FHAD1: variants seen among roughly 807,000 people sequenced by gnomAD.
FHAD1 encodes forkhead-associated domain-containing protein 1.
In FHAD1, 146 loss-of-function variants were observed where a neutral mutation model predicts 191.3. That is an observed-to-expected ratio of 0.76 (90% CI 0.67 to 0.88). The LOEUF is 0.88. Ranked by LOEUF, FHAD1 falls within the 40% of genes least tolerant of loss-of-function variation. The pLI is 0.00. For synonymous variants in FHAD1, 616 were observed against 672.3 expected (o/e 0.92, Z 1.29); for missense variants, 1,635 against 1,785.8 (o/e 0.92, Z 1.52).
chr1:15,247,137 G>T (rs151094062), upstream of FHAD1: 1 of 153,178 alleles, frequency 6.5e-6, no homozygotes, highest in Non-Finnish European at 1.5e-5. Flanking sequence ...GTAACCCAGT[G>T]GGCGTTCCCT....
intron 6 of FHAD1, among the ~76,000 whole-genome samples, chr1:15,302,824 C>G (rs904978679): frequency 6.6e-6 from 1 of 152,220 alleles, no homozygotes; most frequent in African/African-American, 2.4e-5. Flanking sequence ...GCTGGTTAAA[C>G]TGTGGACATG....
Position 15,347,275 on chromosome 1 carries a change from T to C in FHAD1, c.2346+1752T>C, listed in dbSNP as rs72866711. 5.9e-3 allele frequency among the ~76,000 whole-genome samples: 897 copies of C among 152,334 alleles called. 9 individuals are homozygous for C. Among genetic ancestry groups the C allele is most frequent in the African/African-American group, 0.021 (864 of 41,586 alleles). On this transcript the variant is annotated intron_variant, in intron 18 of 33. Coordinates refer to ENST00000688493, the MANE Select transcript of FHAD1 (RefSeq NM_001391957.1). The stretch of plus-strand genomic sequence containing the variant: ...ACAGCAAAAGCCTGGGGAAGATTCT[T>C]GAATTTAGAGACTTTGAGGCCACGG...
rs1008960844 is a variant in FHAD1, at chr1:15,386,025, C to T, written c.4189-2026C>T. Among the ~76,000 whole-genome samples, 6 of 152,300 alleles carry T rather than the reference C, an allele frequency of 3.9e-5. No individual in the cohort carries two copies. The East Asian group carries it at 5.8e-4, about 15-fold the overall frequency. ...ACTAAACAAGGCAGCAGAGTTTCTC[C>T]GAGATAAGAGGCAGACTTGGAGTCC... On this transcript the variant is annotated intron_variant, in intron 31 of 33. Transcript: ENST00000688493.
rs562099866 is a variant in FHAD1 at position 15,358,195 on chromosome 1, C to G, written c.2648C>G (p.Thr883Arg). The G allele has an allele frequency of 2.6e-6, 4 of 1,539,578 alleles. No individual in the cohort carries two copies. The highest frequency in any genetic ancestry group is 1.4e-5 in the African/African-American group (1 of 71,960). The change falls in exon 21 of 34, where the codon ACA (threonine) becomes AGA (arginine). Residue 883 changes from threonine to arginine, a missense_variant. Coordinates refer to ENST00000688493, the MANE Select transcript of FHAD1 (RefSeq NM_001391957.1). ...ALAMVEETQK[T>R]KATESLKAES... ...GCCATGGTTGAAGAGACTCAGAAAA[C>G]AAAGGCAACTGAAAGTCTAAAAGCA...
chr1:15,399,446 G>C (rs1426780646), downstream of FHAD1, among the ~76,000 whole-genome samples: 2 of 152,058 alleles, frequency 1.3e-5, no homozygotes, highest in African/African-American at 2.4e-5. Flanking sequence ...TGTGCCAGTA[G>C]TCACCACTAT....
chr1:15,250,986 A>G (rs1366327913), intron 1 of FHAD1, among the ~76,000 whole-genome samples: 1 of 152,208 alleles, frequency 6.6e-6, no homozygotes, highest in Non-Finnish European at 1.5e-5. Flanking sequence ...CCTCACGTAT[A>G]TTATTGCATT....
At chr1:15,310,805 C>G (rs1672043047) in intron 7 of FHAD1, among the ~76,000 whole-genome samples, 1 of 152,178 alleles carries the variant, frequency 6.6e-6, no homozygotes, top group African/African-American at 2.4e-5. Context: ...TGCTTCCACC[C>G]TGAGCCCATC....
At position 15,316,389 on chromosome 1, in the gene FHAD1, A is replaced by G. The variant is rs760661446; in HGVS notation, c.1182A>G (p.Leu394=). The part of the protein sequence containing the change: ...LEALGSRCSV[L]KEELKQEDAH... ...CCTTTTCTCCACAGTGCTCGGTGCT[A>G]AAGGAAGAGTTAAAACAGGAAGATG... The change falls in exon 9 of 34, where the codon CTA becomes CTG. Residue 394 remains leucine, a synonymous_variant. Transcript: ENST00000688493. This position sits in a 1 kb window ranked among gnomAD's most constrained non-coding sequence, Gnocchi z 4.3. 17 of 1,551,494 alleles carry G rather than the reference A, an allele frequency of 1.1e-5. No individual in the cohort carries two copies. The highest frequency in any genetic ancestry group is 7.8e-5 in the Admixed American group (4 of 50,982).
intron 1 of FHAD1, among the ~76,000 whole-genome samples, chr1:15,240,956 CAAAAAAAA>C (rs55740154): frequency 2.4e-5 from 3 of 124,814 alleles, no homozygotes; most frequent in Non-Finnish European, 3.3e-5. Flanking sequence ...GACTCTATCT[CAAAAAAAA>C]AAAAAAAAAA....
rs75170692 is a variant in FHAD1, at chr1:15,369,640, G to A, written c.3447+138G>A. The A allele has an allele frequency of 3.1e-3, 2,960 of 951,430 alleles. 50 individuals are homozygous for A. In the African/African-American group the frequency reaches 0.041, roughly 13 times the overall value. 58.9% of individuals were successfully genotyped at this position (951,430 alleles called of 1,614,324 possible). A position where few individuals can be genotyped will look rare whatever the true frequency, so the allele number is the denominator to read the frequency against. On this transcript the variant is annotated intron_variant, in intron 26 of 33. Transcript: ENST00000688493. ...TGGTGTGAAATGTATAAAGTAAATC[G>A]CAGAATACTGCCTCTTTAGTCACAG...
chr1:15,374,588 A>T lies in FHAD1; in HGVS notation c.3534A>T (p.Glu1178Asp), dbSNP rs2102887526. The change falls in exon 27 of 34, where the codon GAA (glutamate) becomes GAT (aspartate). Residue 1178 changes from glutamate to aspartate, a missense_variant. Glu to Asp is a conservative substitution (Grantham distance 45). Coordinates refer to ENST00000688493, the MANE Select transcript of FHAD1 (RefSeq NM_001391957.1). ...VIQRQKKALSELRARIKELEK... is the reference protein window; with the variant it reads ...VIQRQKKALSDLRARIKELEK... ...AGCGTCAGAAAAAGGCCTTATCTGA[A>T]CTTCGAGCGCGAATTAAAGAACTCG... The T allele has an allele frequency of 6.4e-7, 1 of 1,551,642 alleles. No individual in the cohort carries two copies. Among genetic ancestry groups the T allele is most frequent in the African/African-American group, 1.4e-5 (1 of 73,126 alleles).
chr1:15,376,650 C>G (rs535479729), intron 28 of FHAD1, among the ~76,000 whole-genome samples: 7 of 152,240 alleles, frequency 4.6e-5, no homozygotes, highest in Non-Finnish European at 7.4e-5. Flanking sequence ...AAAATGATGA[C>G]AAAAATACTG....
intron 5 of FHAD1, among the ~76,000 whole-genome samples, chr1:15,300,114 G>A (rs886744679): frequency 1.3e-5 from 2 of 152,190 alleles, no homozygotes; most frequent in African/African-American, 4.8e-5. Flanking sequence ...AATCACATCG[G>A]GGAATTTTTG....
intron 24 of FHAD1, 21 bp from the exon 25 acceptor site, chr1:15,367,442 C>A (rs1230076330): frequency 6.5e-7 from 1 of 1,547,404 alleles, no homozygotes; most frequent in Non-Finnish European, 8.7e-7. Context: ...ACCCCCTTAC[C>A]GGCCCTCCTG....
rs535466884 is a variant in FHAD1 at position 15,308,774 on chromosome 1, C to T, written c.1039+38C>T. The T allele has an allele frequency of 2.5e-5, 38 of 1,550,544 alleles. No homozygotes were observed. In the African/African-American group the frequency reaches 3.8e-4, roughly 16 times the overall value. ...AGTCGGGCCTGGGAGCTGCCACTCC[C>T]GCACCCGTTGTTCTTGGCCACAGCA... On this transcript the variant is annotated intron_variant, in intron 7 of 33. Transcript: ENST00000688493.
chr1:15,365,049 A>G (rs950282540), intron 23 of FHAD1, among the ~76,000 whole-genome samples: 22 of 152,302 alleles, frequency 1.4e-4, no homozygotes, highest in African/African-American at 5.3e-4. Context: ...CTCCCAGAAG[A>G]ACACCATTCA....
intron 2 of FHAD1, among the ~76,000 whole-genome samples, chr1:15,270,202 C>T (rs770487139): frequency 1.3e-5 from 2 of 152,180 alleles, no homozygotes; most frequent in Admixed American, 1.3e-4. Context: ...TGAGCCACCA[C>T]ACCTGGCCTA....
chr1:15,401,707 G>A (rs775093584), downstream of FHAD1, among the ~76,000 whole-genome samples: 13 of 152,204 alleles, frequency 8.5e-5, no homozygotes, highest in Non-Finnish European at 1.5e-5. Flanking sequence ...TAGGAATGAA[G>A]GCAATCCACT....
At chr1:15,270,331 C>T (rs957645633) in intron 2 of FHAD1, among the ~76,000 whole-genome samples, 2 of 152,144 alleles carry the variant, frequency 1.3e-5, no homozygotes, top group African/African-American at 4.8e-5. Flanking sequence ...TTGGTGGAAA[C>T]TTGGAAAGTG....
Sources: allele counts gnomAD v4.1 joint callset (sites outside exome capture counted in the v4.1 genomes callset), GRCh38; gene constraint gnomAD v4.1.1; non-coding constraint Gnocchi (gnomAD v3.1); transcripts MANE v1.5; gene names NCBI Gene and HGNC (gene_info 2026-07-23, HGNC 2026-07-21).